Variants in ZNF106 observed in about 807,000 individuals in gnomAD.
ZNF106 encodes SH3-domain binding protein 3.
A neutral mutation model predicts 195.1 loss-of-function variants in ZNF106; 67 were observed. The ratio of observed to expected loss-of-function variants is 0.34; its 90% CI spans 0.28 to 0.42. ZNF106 has a LOEUF of 0.42. ZNF106 is among the 10% of genes least tolerant of loss of function. The pLI, the probability that ZNF106 is intolerant of heterozygous loss-of-function variation, is 1.00. For synonymous variants in ZNF106, 784 were observed against 818.6 expected (o/e 0.96, Z 0.72); for missense variants, 2,118 against 2,304.5 (o/e 0.92, Z 1.66).
chr15:42,428,331 T>C (rs900951036), intron 14 of ZNF106, among the ~76,000 whole-genome samples, 197 bp from the exon 15 acceptor site: 2 of 152,198 alleles, frequency 1.3e-5, no homozygotes, highest in African/African-American at 4.8e-5. Context: ...GTAGGTAATA[T>C]GAAAAATAAA....
chr15:42,439,050 T>G lies in ZNF106; in HGVS notation c.4527A>C (p.Lys1509Asn), dbSNP rs1328417995. 6.2e-7 allele frequency: 1 copy of G among 1,613,558 alleles called. No homozygotes were observed. Among genetic ancestry groups the G allele is most frequent in the Non-Finnish European group, 8.5e-7 (1 of 1,179,716 alleles). ...ATTCTTACCTTACAGGGATGCCATC[T>G]TTATAGCGAGTGCCAATTTCACTGG... ...SSTSEIGTRYKDGIPVSVAET... is the reference protein window; with the variant it reads ...SSTSEIGTRYNDGIPVSVAET... The change falls in exon 11 of 22, where the codon AAA becomes AAC. Residue 1509 changes from lysine to asparagine, a missense_variant. Physicochemically the swap from Lys to Asn is moderately conservative, Grantham distance 94. Coordinates refer to ENST00000564754, the MANE Select transcript of ZNF106 (RefSeq NM_001366845.3).
Position 42,450,202 on chromosome 15 carries a change from CA to C in ZNF106, c.2069del (p.Leu690CysfsTer2). ...CTTCTAGAGAGGTTTTCAAGTCTAG[CA>C]ATAAGCCAGGGTGTGGACTGGCTGC... The part of the protein sequence containing the change: ...TSAASPHPGL[L>X]LDLKTSLEDA... On this transcript the variant is annotated frameshift_variant, in exon 5 of 22. Coordinates refer to ENST00000564754, the MANE Select transcript of ZNF106 (RefSeq NM_001366845.3). LOFTEE classifies it high-confidence loss of function. The C allele has an allele frequency of 6.2e-7, 1 of 1,614,166 alleles. No homozygotes were observed. Among genetic ancestry groups the C allele is most frequent in the Non-Finnish European group, 8.5e-7 (1 of 1,180,026 alleles).
intron 1 of ZNF106, among the ~76,000 whole-genome samples, chr15:42,478,374 G>A (rs2056829028): frequency 1.3e-5 from 2 of 151,998 alleles, no homozygotes. Flanking sequence ...ATATTGGCCA[G>A]GTTGGTCTCA....
chr15:42,446,093 A>ACAAGTAT (rs2055758751), intron 7 of ZNF106, among the ~76,000 whole-genome samples: 1 of 152,118 alleles, frequency 6.6e-6, no homozygotes, highest in East Asian at 1.9e-4. Context: ...GTGGTATACT[A>ACAAGTAT]ACCTTGGCTT....
intron 7 of ZNF106, 102 bp from the exon 8 acceptor site, chr15:42,445,083 A>T (rs2055719046): frequency 7.4e-7 from 1 of 1,359,748 alleles, no homozygotes; most frequent in Non-Finnish European, 1.0e-6. Context: ...ATAAGACTTT[A>T]TGTTCTCCTC....
chr15:42,418,312 T>C (rs1262994598), intron 20 of ZNF106, among the ~76,000 whole-genome samples: 2 of 152,022 alleles, frequency 1.3e-5, no homozygotes. Flanking sequence ...TATCTTAGTT[T>C]ATTCAATACA....
At chr15:42,421,701 G>A (rs2054663751) in intron 19 of ZNF106, among the ~76,000 whole-genome samples, 1 of 152,048 alleles carries the variant, frequency 6.6e-6, no homozygotes, top group Non-Finnish European at 1.5e-5. Flanking sequence ...CTATTAAACT[G>A]TAGTTGATAC....
intron 20 of ZNF106, among the ~76,000 whole-genome samples, chr15:42,419,594 G>T (rs886832466): frequency 6.6e-6 from 1 of 152,078 alleles, no homozygotes; most frequent in African/African-American, 2.4e-5. Context: ...CTCTGTCTTG[G>T]CTTTTCCCTA....
At chr15:42,464,125 AGGTCAGG>A (rs1423009110) in intron 3 of ZNF106, among the ~76,000 whole-genome samples, 1 of 152,128 alleles carries the variant, frequency 6.6e-6, no homozygotes, top group Admixed American at 6.5e-5. Flanking sequence ...GCAGATCACA[AGGTCAGG>A]AGTTCAAGAT....
intron 17 of ZNF106, 140 bp from the exon 18 acceptor site, chr15:42,422,760 A>ATTTG: frequency 2.5e-5 from 19 of 765,580 alleles, no homozygotes; most frequent in Non-Finnish European, 3.4e-5. Context: ...AACTGTACAA[A>ATTTG]TACAGTTAAT....
At chr15:42,457,377 T>C (rs991115243) in intron 3 of ZNF106, 30 of 1,411,362 alleles carry the variant, frequency 2.1e-5, no homozygotes, top group Middle Eastern at 2.5e-4. Context: ...CAAGAGGCAA[T>C]AGACTTCAGA....
rs774774731 is a variant in ZNF106, at chr15:42,466,045, T to G, written c.116+8A>C. The G allele has an allele frequency of 4.3e-5, 66 of 1,533,660 alleles. 4 individuals are homozygous for G. In the South Asian group the frequency reaches 7.2e-4, roughly 17 times the overall value. ...TCACAAACTTATGGAAGAGAGCCGTTCCCATACCTGCCCTTGAGGTTCTCA... is the reference window on the plus strand; with the variant it reads ...TCACAAACTTATGGAAGAGAGCCGTGCCCATACCTGCCCTTGAGGTTCTCA... On this transcript the variant is annotated splice_region_variant and intron_variant, in intron 3 of 21. Transcript: ENST00000564754.
In ZNF106 at chr15:42,413,979, C is replaced by T. The variant is rs1045679729; in HGVS notation, c.*3325G>A. ...ACTGATACTTTATCACAACGAACTGCCATTTAAACACTAGCATAGGTACAC... is the reference window on the plus strand; with the variant it reads ...ACTGATACTTTATCACAACGAACTGTCATTTAAACACTAGCATAGGTACAC... On this transcript the variant is annotated 3_prime_UTR_variant, in exon 22 of 22. Transcript: ENST00000564754. The T allele has an allele frequency of 3.3e-5, 5 of 152,278 alleles. No homozygotes were observed. In the South Asian group the frequency reaches 6.2e-4, roughly 19 times the overall value. 9.4% of individuals were successfully genotyped at this position (152,278 alleles called of 1,614,324 possible).
At chr15:42,439,893 T>C (rs765558430) in intron 10 of ZNF106, 80 bp from the exon 11 acceptor site, 40 of 1,383,742 alleles carry the variant, frequency 2.9e-5, no homozygotes, top group Non-Finnish European at 3.5e-5. Context: ...CTACCAAATA[T>C]TTCAATGATA....
chr15:42,432,278 C>T (rs2055076428), intron 14 of ZNF106, among the ~76,000 whole-genome samples: 2 of 152,198 alleles, frequency 1.3e-5, no homozygotes, highest in Admixed American at 1.3e-4. Flanking sequence ...CCCACCTCAG[C>T]CTCCCAAGTA....
At chr15:42,478,455 C>T (rs1314849719) in intron 1 of ZNF106, among the ~76,000 whole-genome samples, 4 of 151,918 alleles carry the variant, frequency 2.6e-5, no homozygotes, top group African/African-American at 9.7e-5. Context: ...AGCCACTGTG[C>T]CCAGCCTGAT....
Position 42,472,243 on chromosome 15 carries a change from G to C in ZNF106, c.47C>G (p.Ser16Ter). ...KCILCHIVYS[S>*]KKEMDEHMRS... ...TCCCTCTTCCATTATTACCTTTTTT[G>C]AGCTGTACACGATGTGGCATAATAT... The change falls in exon 2 of 22, where the codon TCA (serine) becomes TGA (stop). Residue 16 changes from serine to a stop codon, truncating the protein, a stop_gained. Coordinates refer to ENST00000564754, the MANE Select transcript of ZNF106 (RefSeq NM_001366845.3). LOFTEE classifies it high-confidence loss of function. 1 of 1,533,836 alleles carries C rather than the reference G, an allele frequency of 6.5e-7. No individual in the cohort carries two copies. The highest frequency in any genetic ancestry group is 8.7e-7 in the Non-Finnish European group (1 of 1,145,936).
intron 3 of ZNF106, among the ~76,000 whole-genome samples, chr15:42,460,119 C>G (rs960326223): frequency 2.0e-5 from 3 of 151,898 alleles, no homozygotes; most frequent in East Asian, 1.9e-4. Flanking sequence ...TACTTTTCTA[C>G]CTAAAAGCTC....
At chr15:42,463,074 T>C (rs964291167) in intron 3 of ZNF106, among the ~76,000 whole-genome samples, 6 of 152,052 alleles carry the variant, frequency 3.9e-5, no homozygotes, top group Non-Finnish European at 5.9e-5. Context: ...GCTGGGATTA[T>C]AGGCACGAGC....
Sources: allele counts gnomAD v4.1 joint callset (sites outside exome capture counted in the v4.1 genomes callset), GRCh38; gene constraint gnomAD v4.1.1; transcripts MANE v1.5; gene names NCBI Gene and HGNC (gene_info 2026-07-23, HGNC 2026-07-21).